PCDHA6: variants seen among roughly 807,000 people sequenced by gnomAD.
The protein encoded by PCDHA6 is protocadherin alpha-6.
Under a neutral mutation model 60.3 loss-of-function variants are expected in PCDHA6, and 55 were observed. The observed-to-expected ratio is 0.91, with a 90% CI of 0.73 to 1.14. The LOEUF (loss-of-function observed/expected upper bound fraction) is 1.14. Among genes scored for constraint, PCDHA6 ranks in the 50% most tolerant of loss-of-function variants. The probability of loss-of-function intolerance (pLI) is 0.00; values close to 1 mark genes in which losing one functional copy is unlikely to be tolerated. For missense variants in PCDHA6, 1,327 were observed against 1,256.5 expected, an observed-to-expected ratio of 1.06 and a Z score of -0.85; for synonymous variants, 652 against 557.9, an observed-to-expected ratio of 1.17 and a Z score of -2.38.
rs2150424044 is a variant in PCDHA6, at chr5:140,848,904, C to G, written c.2394+18419C>G. ...CAACCCTCCAGTGTTCCCAGCGACACAAAAGAATCTGTTCATCGCGGAATC... is the reference window on the plus strand; with the variant it reads ...CAACCCTCCAGTGTTCCCAGCGACAGAAAAGAATCTGTTCATCGCGGAATC... On this transcript the variant is annotated intron_variant, in intron 1 of 3. Coordinates refer to ENST00000529310, the MANE Select transcript of PCDHA6 (RefSeq NM_018909.4). 1 of 1,608,060 alleles carries G rather than the reference C, an allele frequency of 6.2e-7. No individual in the cohort carries two copies. Among genetic ancestry groups the G allele is most frequent in the Non-Finnish European group, 8.5e-7 (1 of 1,176,922 alleles).
intron 1 of PCDHA6, chr5:140,851,030 T>G (rs1462203945): frequency 1.4e-6 from 2 of 1,410,502 alleles, no homozygotes; most frequent in Non-Finnish European, 1.9e-6. Context: ...AGTAAACCCC[T>G]TAACATTGGA....
At chr5:140,900,673 A>T (rs936784929) in intron 1 of PCDHA6, among the ~76,000 whole-genome samples, 6 of 152,210 alleles carry the variant, frequency 3.9e-5, no homozygotes, top group African/African-American at 1.4e-4. Context: ...GAGTGCAGTT[A>T]TCTCTTCAAT....
At position 140,828,560 on chromosome 5, in the gene PCDHA6, G is replaced by A. The variant is rs2150156766; in HGVS notation, c.469G>A (p.Ala157Thr). The change falls in exon 1 of 4, where the codon GCG becomes ACG. Residue 157 changes from alanine to threonine, a missense_variant. Physicochemically the swap from Ala to Thr is moderately conservative, Grantham distance 58. Transcript: ENST00000529310. ...AGATTCTGTGTTTCCACTGGAGGGCGCGTCCGATGCAGATGTTGGCTCAAA... is the reference window on the plus strand; with the variant it reads ...AGATTCTGTGTTTCCACTGGAGGGCACGTCCGATGCAGATGTTGGCTCAAA... Reference protein sequence around the residue: ...LPDSVFPLEGASDADVGSNSI... With the variant: ...LPDSVFPLEGTSDADVGSNSI... The A allele has an allele frequency of 1.9e-6, 3 of 1,614,092 alleles. No individual in the cohort carries two copies. The highest frequency in any genetic ancestry group is 1.3e-5 in the African/African-American group (1 of 74,924).
chr5:140,983,363 C>A (rs574253600), intron 3 of PCDHA6, among the ~76,000 whole-genome samples: 33 of 152,290 alleles, frequency 2.2e-4, no homozygotes, highest in African/African-American at 7.9e-4. Context: ...AGAAATATGG[C>A]TTTGGAGGCC....
intron 1 of PCDHA6, among the ~76,000 whole-genome samples, chr5:140,844,800 T>C (rs1779552388): frequency 6.7e-6 from 1 of 149,422 alleles, no homozygotes; most frequent in South Asian, 2.1e-4. Flanking sequence ...AACATTTTCT[T>C]TCTTTTATTT....
chr5:140,964,000 T>C (rs900134447), intron 1 of PCDHA6, among the ~76,000 whole-genome samples: 2 of 152,218 alleles, frequency 1.3e-5, no homozygotes, highest in African/African-American at 2.4e-5. Flanking sequence ...TACTGTGTTC[T>C]ACTTTTTAAT....
chr5:140,857,971 G>C (rs1554150955), intron 1 of PCDHA6: 3 of 1,596,810 alleles, frequency 1.9e-6, no homozygotes, highest in Non-Finnish European at 2.6e-6. Flanking sequence ...AGACTGACTC[G>C]CCACGCCAGC....
intron 1 of PCDHA6, among the ~76,000 whole-genome samples, chr5:140,904,216 ATTG>A (rs2070958692): frequency 6.6e-6 from 1 of 151,842 alleles, no homozygotes; most frequent in East Asian, 1.9e-4. Flanking sequence ...CCCAAAGTCC[ATTG>A]TATTATACTT....
rs144082627 is a variant in PCDHA6, at chr5:140,829,810, T to G, written c.1719T>G (p.Thr573=). 6.2e-7 allele frequency: 1 copy of G among 1,613,750 alleles called. No homozygotes were observed. Among genetic ancestry groups the G allele is most frequent in the African/African-American group, 1.3e-5 (1 of 74,934 alleles). ...TGCTGGCGCCTCGGGTGGGTGGTAC[T>G]GGTGGTGCAGTGAGCGAGCTGGTGC... ...PALLAPRVGG[T]GGAVSELVPR... Residue 573 remains threonine (T), a synonymous_variant, in exon 1 of 4, where the codon ACT becomes ACG. Transcript: ENST00000529310.
chr5:140,850,875 G>A lies in PCDHA6; in HGVS notation c.2394+20390G>A, dbSNP rs201934627. 18 of 1,590,472 alleles carry A rather than the reference G, an allele frequency of 1.1e-5. 3 individuals carry two copies. The highest frequency in any genetic ancestry group is 1.5e-5 in the Non-Finnish European group (18 of 1,162,510). ...AACGGGAGAACCCTCTGCTTCCTCAGATTCAACTGGGAAGGTGGGTTTTTC... is the reference window on the plus strand; with the variant it reads ...AACGGGAGAACCCTCTGCTTCCTCAAATTCAACTGGGAAGGTGGGTTTTTC... On this transcript the variant is annotated intron_variant, in intron 1 of 3. Transcript: ENST00000529310.
chr5:140,859,865 C>T (rs2046056665), intron 1 of PCDHA6: 1 of 151,972 alleles, frequency 6.6e-6, no homozygotes, highest in African/African-American at 2.4e-5. Context: ...GAAATATATA[C>T]TTCCCCCTCT....
chr5:140,981,690 A>C (rs1410954672), intron 2 of PCDHA6, among the ~76,000 whole-genome samples: 1 of 150,712 alleles, frequency 6.6e-6, no homozygotes, highest in Non-Finnish European at 1.5e-5. Flanking sequence ...CCCTTCCATC[A>C]TTCATTCATT....
At chr5:140,863,243 C>G (rs868910592) in intron 1 of PCDHA6, 1 of 1,351,802 alleles carries the variant, frequency 7.4e-7, no homozygotes, top group Non-Finnish European at 1.0e-6. Context: ...CGGGCTTTGG[C>G]GGGCGTCGAG....
rs782525734 is a variant in PCDHA6 at position 140,884,093 on chromosome 5, T to A, written c.2394+53608T>A. 3.1e-6 allele frequency: 5 copies of A among 1,613,500 alleles called. No homozygotes were observed. In the Admixed American group the frequency reaches 8.3e-5, roughly 27 times the overall value. ...TTCGGGCTACAATGCGTGGCTTTCGTATGAATTGCAGCTGGCGGCGGTCGG... is the reference window on the plus strand; with the variant it reads ...TTCGGGCTACAATGCGTGGCTTTCGAATGAATTGCAGCTGGCGGCGGTCGG... On this transcript the variant is annotated intron_variant, in intron 1 of 3. Coordinates refer to ENST00000529310, the MANE Select transcript of PCDHA6 (RefSeq NM_018909.4).
intron 1 of PCDHA6, among the ~76,000 whole-genome samples, chr5:140,925,394 C>T (rs782536310): frequency 1.3e-5 from 2 of 151,950 alleles, no homozygotes; most frequent in East Asian, 1.9e-4. Context: ...CCTTTTGGCT[C>T]GCCTCCTTCT....
chr5:140,989,788 G>GC (rs1331311072), intron 3 of PCDHA6, among the ~76,000 whole-genome samples: 30 of 152,276 alleles, frequency 2.0e-4, no homozygotes, highest in African/African-American at 4.6e-4. Context: ...GAGACTAGAG[G>GC]CCCCCAGGAA....
At chr5:140,956,650 GATGCTGGCCTTA>G (rs2095299191) in intron 1 of PCDHA6, among the ~76,000 whole-genome samples, 1 of 152,154 alleles carries the variant, frequency 6.6e-6, no homozygotes, top group Non-Finnish European at 1.5e-5. Context: ...GTATCAGGAT[GATGCTGGCCTTA>G]AAGGAGTTAG....
At chr5:140,848,742 A>G in intron 1 of PCDHA6, 2 of 1,593,114 alleles carry the variant, frequency 1.3e-6, no homozygotes, top group Admixed American at 3.4e-5. Context: ...GCAGAATGGC[A>G]TTTTGTTTGT....
At position 140,850,757 on chromosome 5, in the gene PCDHA6, G is replaced by C. The variant is rs1554144879; in HGVS notation, c.2394+20272G>C. On this transcript the variant is annotated intron_variant, in intron 1 of 3. Coordinates refer to ENST00000529310, the MANE Select transcript of PCDHA6 (RefSeq NM_018909.4). ...GGAGTTGGTCGTACTCGCAGCAGAGGAGGCAGAGGGTGTGCTCTGGCGAGG... is the reference window on the plus strand; with the variant it reads ...GGAGTTGGTCGTACTCGCAGCAGAGCAGGCAGAGGGTGTGCTCTGGCGAGG... The C allele has an allele frequency of 1.3e-5, 20 of 1,597,958 alleles. 2 individuals are homozygous for C. The highest frequency in any genetic ancestry group is 1.4e-5 in the Non-Finnish European group (16 of 1,167,660).
Sources: allele counts gnomAD v4.1 joint callset (sites outside exome capture counted in the v4.1 genomes callset), GRCh38; gene constraint gnomAD v4.1.1; transcripts MANE v1.5; gene names NCBI Gene and HGNC (gene_info 2026-07-23, HGNC 2026-07-21).